Variants in PFKFB2 observed in about 807,000 individuals in gnomAD.
The protein encoded by PFKFB2 is 6-phosphofructo-2-kinase/fructose-2,6-biphosphatase 2.
A neutral mutation model predicts 68.0 loss-of-function variants in PFKFB2; 53 were observed. The observed-to-expected ratio is 0.78, with a 90% CI of 0.63 to 0.98. The LOEUF is 0.98. Among genes scored for constraint, PFKFB2 ranks in the 50% least tolerant of loss-of-function variants. The pLI, the probability that PFKFB2 is intolerant of heterozygous loss-of-function variation, is 0.00. For synonymous variants in PFKFB2, 222 were observed against 227.6 expected (o/e 0.98, Z 0.22); for missense variants, 451 against 642.0 (o/e 0.70, Z 3.22).
chr1:207,052,257 C>CA (rs769086489), upstream of PFKFB2: 4 of 1,608,162 alleles, frequency 2.5e-6, no homozygotes, highest in South Asian at 4.4e-5. Context: ...TTTCATGACT[C>CA]AATTTTTTTT....
chr1:207,079,568 C>G (rs1032190159), downstream of PFKFB2: 5 of 153,286 alleles, frequency 3.3e-5, no homozygotes, highest in African/African-American at 1.2e-4. Context: ...AACATCTTCT[C>G]TGCCTTGATA....
intron 9 of PFKFB2, among the ~76,000 whole-genome samples, 155 bp downstream of exon 9, chr1:207,067,861 G>C (rs2243821): frequency 6.6e-6 from 1 of 152,082 alleles, no homozygotes; most frequent in Non-Finnish European, 1.5e-5. Context: ...TGCTCACTGC[G>C]TCTAGCTCTG....
Position 207,065,032 on chromosome 1 carries a change from T to G in PFKFB2, c.508-4T>G, listed in dbSNP as rs1305908663. The G allele has an allele frequency of 2.5e-6, 4 of 1,613,578 alleles. No individual in the cohort carries two copies. ...GAGGCCTTTACTGGTTCCTATGATT[T>G]CAGGAGGTTAAGGTATCAAGCCCTG... On this transcript the variant is annotated splice_polypyrimidine_tract_variant and splice_region_variant and intron_variant, in intron 7 of 14. Transcript: ENST00000367080.
chr1:207,048,308 C>A (rs1006958405), upstream of PFKFB2: 6 of 152,756 alleles, frequency 3.9e-5, no homozygotes, highest in African/African-American at 1.4e-4. Context: ...ACAATCAGTT[C>A]CTGTTTTGTG....
chr1:207,067,364 T>C (rs1398268403), intron 8 of PFKFB2, 135 bp from the exon 9 acceptor site: 3 of 634,266 alleles, frequency 4.7e-6, no homozygotes, highest in Non-Finnish European at 8.4e-6. Flanking sequence ...TTTGGTTCCA[T>C]AAACGTGGGT....
chr1:207,069,352 C>G, intron 10 of PFKFB2, 72 bp from the exon 11 acceptor site: 1 of 1,021,554 alleles, frequency 9.8e-7, no homozygotes, highest in Non-Finnish European at 1.5e-6. Context: ...TCAATGTCAT[C>G]TTCCTTATTT....
chr1:207,061,177 A>T (rs568568907), intron 2 of PFKFB2, among the ~76,000 whole-genome samples: 11 of 66,480 alleles, frequency 1.7e-4, no homozygotes, highest in African/African-American at 4.4e-4. Context: ...ATATATATAT[A>T]TATATATATA....
At position 207,076,528 on chromosome 1, in the gene PFKFB2, C is replaced by T. The variant is rs762300538; in HGVS notation, c.*4157C>T. 68 of 970,672 alleles carry T rather than the reference C, an allele frequency of 7.0e-5. No individual in the cohort carries two copies. In the East Asian group the frequency reaches 8.8e-4, roughly 13 times the overall value. 60.1% of individuals were successfully genotyped at this position (970,672 alleles called of 1,614,324 possible). On this transcript the variant is annotated 3_prime_UTR_variant, in exon 15 of 15. Coordinates refer to ENST00000367080, the MANE Select transcript of PFKFB2 (RefSeq NM_006212.2). ...GGTTGCAGCACTGGTGGGGTAGAAT[C>T]GACTTTCCCTGAAGGTGACACAGAT...
At position 207,063,464 on chromosome 1, in the gene PFKFB2, G is replaced by A. The variant is rs749965463; in HGVS notation, c.450+43G>A. 11 of 1,385,264 alleles carry A rather than the reference G, an allele frequency of 7.9e-6. No individual in the cohort carries two copies. Among genetic ancestry groups the A allele is most frequent in the Non-Finnish European group, 1.1e-5 (11 of 977,852 alleles). The allele number at this position is 1,385,264 out of a possible 1,614,324, so 85.8% of individuals were successfully genotyped here. A position where few individuals can be genotyped will look rare whatever the true frequency, so the allele number is the denominator to read the frequency against. On this transcript the variant is annotated intron_variant, in intron 6 of 14. Coordinates refer to ENST00000367080, the MANE Select transcript of PFKFB2 (RefSeq NM_006212.2). This position sits in a 1 kb window ranked among gnomAD's most constrained non-coding sequence, Gnocchi z 4.1. Reference sequence around the variant, plus strand: ...GTTGGAGGAAAAGGGATGAGTAGAGGTGGGGAGTCAGGCTACAGGCATGGA... The same window carrying A: ...GTTGGAGGAAAAGGGATGAGTAGAGATGGGGAGTCAGGCTACAGGCATGGA...
At chr1:207,078,951 T>A, downstream of PFKFB2, 6 of 1,611,928 alleles carry the variant, frequency 3.7e-6, no homozygotes, top group Non-Finnish European at 5.1e-6. Flanking sequence ...CTCTGGCTCG[T>A]AGGCAGCAGA....
chr1:207,048,928 CTT>C, upstream of PFKFB2: 1 of 1,172,826 alleles, frequency 8.5e-7, no homozygotes, highest in Non-Finnish European at 1.2e-6. Flanking sequence ...GCATTGTATC[CTT>C]TGTTCTTTAG....
intron 1 of PFKFB2, 55 bp from the exon 2 acceptor site, chr1:207,054,646 A>G (rs112637563): frequency 8.0e-7 from 1 of 1,254,152 alleles, no homozygotes; most frequent in South Asian, 1.3e-5. Context: ...ACTTTTTTTA[A>G]GTTATGTCTT....
chr1:207,040,669 CA>C (rs1168727120), intron 1 of PFKFB2, among the ~76,000 whole-genome samples: 1 of 152,108 alleles, frequency 6.6e-6, no homozygotes, highest in Non-Finnish European at 1.5e-5. Context: ...CAAGTCAAAA[CA>C]AAATAGAAAA....
chr1:207,051,057 T>G (rs1335622801), upstream of PFKFB2: 1 of 1,475,998 alleles, frequency 6.8e-7, no homozygotes. Context: ...TGGTTGCAGT[T>G]ATCGCGACGC....
chr1:207,072,215 C>T lies in PFKFB2; in HGVS notation c.1362C>T (p.Pro454=). 6.2e-6 allele frequency: 10 copies of T among 1,613,584 alleles called. No homozygotes were observed. Among genetic ancestry groups the T allele is most frequent in the Non-Finnish European group, 8.5e-6 (10 of 1,179,780 alleles). The change falls in exon 15 of 15, where the codon CCC becomes CCT. Residue 454 remains proline, a synonymous_variant. Transcript: ENST00000367080. The stretch of plus-strand genomic sequence containing the variant: ...CCATTTCCAATCAGAACAACTTCCC[C>T]AAGAACCAAACCCCTGTAAGGATGA... ...THRDKPTNNF[P]KNQTPVRMRR...
intron 1 of PFKFB2, among the ~76,000 whole-genome samples, chr1:207,038,441 A>C (rs1016933622): frequency 1.3e-5 from 2 of 152,184 alleles, no homozygotes; most frequent in African/African-American, 4.8e-5. Flanking sequence ...ACTTTATTTC[A>C]TGTCCCCTTC....
chr1:207,050,991 G>A (rs565704574), upstream of PFKFB2: 4 of 1,530,944 alleles, frequency 2.6e-6, no homozygotes, highest in Admixed American at 4.1e-5. Flanking sequence ...CCAGGCGCCG[G>A]GTGGACTCCA....
At chr1:207,069,812 A>G (rs537610703) in intron 11 of PFKFB2, among the ~76,000 whole-genome samples, 2 of 152,300 alleles carry the variant, frequency 1.3e-5, no homozygotes, top group Admixed American at 1.3e-4. Flanking sequence ...CCACCCCCAC[A>G]TAAGTAAGTG....
At chr1:207,056,460 G>A (rs1270491382) in intron 2 of PFKFB2, among the ~76,000 whole-genome samples, 1 of 150,988 alleles carries the variant, frequency 6.6e-6, no homozygotes, top group Non-Finnish European at 1.5e-5. Context: ...GGGCAGGATC[G>A]ATAATTGTGG....
Sources: gnomAD v4.1 joint callset for allele counts (sites outside exome capture counted in the v4.1 genomes callset) on GRCh38, gnomAD v4.1.1 for gene constraint, Gnocchi (gnomAD v3.1) non-coding constraint, MANE v1.5 for transcripts, NCBI Gene and HGNC (gene_info 2026-07-23, HGNC 2026-07-21) for gene names.